PRKG1: variants seen among roughly 807,000 people sequenced by gnomAD.
PRKG1 encodes protein kinase cGMP-dependent 1, also known as cGMP-dependent protein kinase 1.
A neutral mutation model predicts 88.1 loss-of-function variants in PRKG1; 35 were observed. The observed-to-expected ratio is 0.40, with a 90% CI of 0.30 to 0.53. The LOEUF (loss-of-function observed/expected upper bound fraction) is 0.53. PRKG1 is among the 20% of genes least tolerant of loss of function. PRKG1 has a pLI of 0.59. For synonymous variants in PRKG1, 303 were observed against 292.5 expected, an observed-to-expected ratio of 1.04 and a Z score of -0.37; for missense variants, 540 against 839.8, an observed-to-expected ratio of 0.64 and a Z score of 4.41.
intron 5 of PRKG1, among the ~76,000 whole-genome samples, chr10:51,994,274 G>A (rs1221297637): frequency 6.6e-6 from 1 of 152,128 alleles, no homozygotes; most frequent in African/African-American, 2.4e-5. Context: ...GAGAATTTCA[G>A]TCTTTCTCCT....
At chr10:52,233,373 G>C (rs1316905675) in intron 9 of PRKG1, among the ~76,000 whole-genome samples, 2 of 151,556 alleles carry the variant, frequency 1.3e-5, no homozygotes, top group Admixed American at 6.6e-5. Flanking sequence ...CGCAGAAGAC[G>C]GGTGATTTCT....
rs536057705 is a variant in PRKG1, at chr10:51,858,100, C to T, written c.699-49407C>T. 1.6e-4 allele frequency among the ~76,000 whole-genome samples: 11 copies of T among 68,278 alleles called. 1 individual carries two copies. Among genetic ancestry groups the T allele is most frequent in the African/African-American group, 6.9e-4 (9 of 12,996 alleles). 44.8% of individuals were successfully genotyped at this position (68,278 alleles called of 152,430 possible). A position where few individuals can be genotyped will look rare whatever the true frequency, so the allele number is the denominator to read the frequency against. On this transcript the variant is annotated intron_variant, in intron 4 of 17. Coordinates refer to ENST00000373980, the MANE Select transcript of PRKG1 (RefSeq NM_006258.4). Reference sequence around the variant, plus strand: ...ATATATAATATATATTATATATATACATATTATACATATATATAATATATA... The same window carrying T: ...ATATATAATATATATTATATATATATATATTATACATATATATAATATATA...
chr10:51,277,965 C>T (rs1463621132), intron 2 of PRKG1, among the ~76,000 whole-genome samples: 1 of 152,132 alleles, frequency 6.6e-6, no homozygotes, highest in Non-Finnish European at 1.5e-5. Context: ...TGCCTGATTG[C>T]CCTGGCTAGA....
At chr10:52,010,481 G>A (rs1322235371) in intron 5 of PRKG1, among the ~76,000 whole-genome samples, 1 of 152,058 alleles carries the variant, frequency 6.6e-6, no homozygotes, top group African/African-American at 2.4e-5. Flanking sequence ...ACTTAAACCA[G>A]GGGTGTTGAA....
intron 1 of PRKG1, among the ~76,000 whole-genome samples, chr10:51,090,501 G>T (rs1319031137): frequency 6.6e-6 from 1 of 152,090 alleles, no homozygotes; most frequent in East Asian, 1.9e-4. Context: ...TTTATTCAAT[G>T]AGCAGTTACA....
At chr10:51,666,252 T>C (rs1840419892) in intron 3 of PRKG1, among the ~76,000 whole-genome samples, 1 of 152,168 alleles carries the variant, frequency 6.6e-6, no homozygotes, top group Non-Finnish European at 1.5e-5. Flanking sequence ...AATGTAGATG[T>C]CAATAGAAAT....
intron 3 of PRKG1, among the ~76,000 whole-genome samples, chr10:51,668,857 G>A (rs368997118): frequency 6.6e-5 from 10 of 152,204 alleles, no homozygotes; most frequent in African/African-American, 2.4e-4. Context: ...TCTATTAGTT[G>A]TATTTATTTC....
intron 2 of PRKG1, among the ~76,000 whole-genome samples, chr10:51,243,633 T>A (rs1321474753): frequency 6.6e-6 from 1 of 152,188 alleles, no homozygotes; most frequent in African/African-American, 2.4e-5. Flanking sequence ...GATAGATCTT[T>A]CCTGATGTAA....
chr10:51,802,859 C>A (rs374185973), intron 3 of PRKG1, among the ~76,000 whole-genome samples: 1 of 152,134 alleles, frequency 6.6e-6, no homozygotes, highest in Non-Finnish European at 1.5e-5. Context: ...AGCTTGGCCA[C>A]AATAAATACG....
intron 4 of PRKG1, 23 bp from the exon 5 acceptor site, chr10:51,907,484 C>T (rs1842111406): frequency 1.3e-6 from 2 of 1,598,212 alleles, no homozygotes; most frequent in Non-Finnish European, 1.7e-6. Context: ...ATGTGTTCAG[C>T]ACTATTCTGT....
chr10:51,350,932 C>G (rs969286488), intron 2 of PRKG1, among the ~76,000 whole-genome samples: 1 of 152,104 alleles, frequency 6.6e-6, no homozygotes, highest in East Asian at 1.9e-4. Flanking sequence ...CATCCCCTGA[C>G]AGGCCCTGGT....
chr10:51,086,390 T>C (rs1844248345), intron 1 of PRKG1, among the ~76,000 whole-genome samples: 1 of 152,204 alleles, frequency 6.6e-6, no homozygotes, highest in South Asian at 2.1e-4. Context: ...GCTAAAAGGG[T>C]GTAGCCCATG....
intron 9 of PRKG1, among the ~76,000 whole-genome samples, chr10:52,186,941 AC>A (rs1158038239): frequency 3.3e-5 from 5 of 152,184 alleles, no homozygotes; most frequent in Non-Finnish European, 7.3e-5. Flanking sequence ...ATTTGACAAG[AC>A]TTTTAAGCTT....
chr10:51,948,750 G>C (rs930299296), intron 5 of PRKG1, among the ~76,000 whole-genome samples: 1 of 152,076 alleles, frequency 6.6e-6, no homozygotes, highest in Non-Finnish European at 1.5e-5. Context: ...TACTTAAGAA[G>C]AAGATTCACA....
chr10:51,961,506 T>C (rs1382486493), intron 5 of PRKG1, among the ~76,000 whole-genome samples: 1 of 152,184 alleles, frequency 6.6e-6, no homozygotes, highest in African/African-American at 2.4e-5. Flanking sequence ...ATTTAACAGA[T>C]ATCAGCAATT....
At chr10:51,441,229 A>G (rs1434103456) in intron 2 of PRKG1, among the ~76,000 whole-genome samples, 1 of 152,006 alleles carries the variant, frequency 6.6e-6, no homozygotes, top group Non-Finnish European at 1.5e-5. Flanking sequence ...ATTCTTACTT[A>G]GACCATCTCA....
chr10:52,039,997 A>C (rs1036100223), intron 5 of PRKG1, among the ~76,000 whole-genome samples: 22 of 152,128 alleles, frequency 1.4e-4, no homozygotes, highest in Non-Finnish European at 2.5e-4. Context: ...TCCTTACCAT[A>C]AGAACCACAT....
chr10:52,073,487 T>C (rs538854836), intron 7 of PRKG1, among the ~76,000 whole-genome samples: 408 of 152,316 alleles, frequency 2.7e-3, no homozygotes, highest in Middle Eastern at 6.8e-3. Flanking sequence ...TCATTATCTA[T>C]GCTGTAATCA....
chr10:51,707,139 C>A (rs1209257066), intron 3 of PRKG1, among the ~76,000 whole-genome samples: 1 of 152,060 alleles, frequency 6.6e-6, no homozygotes, highest in Non-Finnish European at 1.5e-5. Flanking sequence ...AGGCTTGATC[C>A]CATAGAATAC....
Sources: allele counts gnomAD v4.1 joint callset (sites outside exome capture counted in the v4.1 genomes callset), GRCh38; gene constraint gnomAD v4.1.1; transcripts MANE v1.5; gene names NCBI Gene and HGNC (gene_info 2026-07-23, HGNC 2026-07-21).